Variants in GRM8 observed in about 807,000 individuals in gnomAD.
GRM8 encodes glutamate metabotropic receptor 8.
GRM8 carries 47 observed loss-of-function variants against 87.2 expected under a neutral mutation model. That is an observed-to-expected ratio of 0.54 (90% confidence interval 0.43 to 0.69). The LOEUF is 0.69. GRM8 is among the 30% of genes least tolerant of loss of function. The pLI, the probability that GRM8 is intolerant of heterozygous loss-of-function variation, is 0.00. For missense variants in GRM8, 1,019 were observed against 1,139.2 expected (o/e 0.89, Z 1.52); for synonymous variants, 396 against 404.5 (o/e 0.98, Z 0.25).
chr7:126,508,867 C>T (rs1162158649), intron 9 of GRM8, among the ~76,000 whole-genome samples: 1 of 152,070 alleles, frequency 6.6e-6, no homozygotes, highest in Non-Finnish European at 1.5e-5. Flanking sequence ...AGCTCTGTCA[C>T]ACTTCATAAA....
At chr7:126,930,348 C>T (rs531639530) in intron 3 of GRM8, among the ~76,000 whole-genome samples, 2 of 152,324 alleles carry the variant, frequency 1.3e-5, no homozygotes, top group Admixed American at 6.5e-5. Context: ...ACAGCTAGAA[C>T]AGTGGCTGGC....
intron 3 of GRM8, among the ~76,000 whole-genome samples, chr7:126,945,962 T>G (rs1350876365): frequency 6.6e-6 from 1 of 152,242 alleles, no homozygotes; most frequent in Non-Finnish European, 1.5e-5. Flanking sequence ...TTCACATATT[T>G]ATGAACACAT....
rs538666871 is a variant in GRM8 at position 126,612,196 on chromosome 7, T to C, written c.1358-2698A>G. The stretch of plus-strand genomic sequence containing the variant: ...ATTACGTATTAACTATAATTTCTTT[T>C]GTTGTTTTGTGGAAATGTTGTGTTT... On this transcript the variant is annotated intron_variant, in intron 7 of 10. Coordinates refer to ENST00000339582, the MANE Select transcript of GRM8 (RefSeq NM_000845.3). Among the ~76,000 whole-genome samples, 8 of 152,330 alleles carry C rather than the reference T, an allele frequency of 5.3e-5. No individual in the cohort carries two copies. The South Asian group carries it at 1.7e-3, about 32-fold the overall frequency.
chr7:126,984,705 G>A (rs567396341), intron 3 of GRM8, among the ~76,000 whole-genome samples: 12 of 152,182 alleles, frequency 7.9e-5, no homozygotes, highest in African/African-American at 1.9e-4. Context: ...TCACTCTAGA[G>A]AACCCTGCCT....
chr7:126,878,084 C>A (rs1270920082), intron 6 of GRM8, among the ~76,000 whole-genome samples: 1 of 152,196 alleles, frequency 6.6e-6, no homozygotes, highest in African/African-American at 2.4e-5. Flanking sequence ...AGCCCATGCC[C>A]TTACCCAGGG....
At chr7:126,560,217 G>A (rs1196143500) in intron 8 of GRM8, among the ~76,000 whole-genome samples, 1 of 152,116 alleles carries the variant, frequency 6.6e-6, no homozygotes, top group African/African-American at 2.4e-5. Context: ...GATAATATAA[G>A]TCACTGATTT....
At chr7:127,214,424 A>G (rs1796399271) in intron 2 of GRM8, among the ~76,000 whole-genome samples, 1 of 152,216 alleles carries the variant, frequency 6.6e-6, no homozygotes, top group Non-Finnish European at 1.5e-5. Flanking sequence ...TGATTTTCAG[A>G]AAAATATTTG....
At chr7:127,205,214 G>T (rs1371998966) in intron 2 of GRM8, among the ~76,000 whole-genome samples, 3 of 152,102 alleles carry the variant, frequency 2.0e-5, no homozygotes, top group Admixed American at 2.0e-4. Flanking sequence ...CATTAGTAAT[G>T]GAGTCATTGA....
chr7:126,473,162 C>T (rs958832644), intron 9 of GRM8, among the ~76,000 whole-genome samples: 1 of 152,116 alleles, frequency 6.6e-6, no homozygotes. Context: ...CTCCAGACCC[C>T]AGAATGGTAG....
intron 2 of GRM8, among the ~76,000 whole-genome samples, chr7:127,217,634 A>G (rs1796642706): frequency 6.6e-6 from 1 of 152,162 alleles, no homozygotes; most frequent in African/African-American, 2.4e-5. Flanking sequence ...CAGCAGCTAT[A>G]AAACCAGGAT....
At chr7:126,647,308 T>G (rs990398636) in intron 7 of GRM8, among the ~76,000 whole-genome samples, 1 of 82,542 alleles carries the variant, frequency 1.2e-5, no homozygotes, top group Admixed American at 1.2e-4. Context: ...GATAGATAGA[T>G]AGATAGATAG....
chr7:127,248,028 C>G (rs999357822), intron 1 of GRM8, among the ~76,000 whole-genome samples: 3 of 152,040 alleles, frequency 2.0e-5, no homozygotes, highest in African/African-American at 7.3e-5. Context: ...AAGAATTCAC[C>G]ACAGGTTTCC....
intron 8 of GRM8, among the ~76,000 whole-genome samples, chr7:126,578,278 T>C (rs1795288723): frequency 6.6e-6 from 1 of 152,216 alleles, no homozygotes; most frequent in Non-Finnish European, 1.5e-5. Flanking sequence ...GAAAACAGGA[T>C]ACAATTTGTC....
At chr7:126,575,603 A>G (rs1474457265) in intron 8 of GRM8, among the ~76,000 whole-genome samples, 1 of 152,044 alleles carries the variant, frequency 6.6e-6, no homozygotes, top group African/African-American at 2.4e-5. Context: ...CATGAGTTGT[A>G]TCTTTGAACT....
intron 8 of GRM8, among the ~76,000 whole-genome samples, chr7:126,542,594 C>T (rs7781356): frequency 0.84 from 127,947 of 152,104 alleles, 54,183 homozygotes; most frequent in African/African-American, 0.95. Flanking sequence ...CAAATGTACA[C>T]TGTAATCACT....
intron 2 of GRM8, among the ~76,000 whole-genome samples, chr7:127,136,743 C>A (rs1827963737): frequency 6.6e-6 from 1 of 151,702 alleles, no homozygotes; most frequent in Non-Finnish European, 1.5e-5. Context: ...ATTTATTGTT[C>A]ACTTAACAAG....
At chr7:126,756,273 T>C (rs768898365) in intron 7 of GRM8, among the ~76,000 whole-genome samples, 3 of 151,996 alleles carry the variant, frequency 2.0e-5, no homozygotes, top group Non-Finnish European at 2.9e-5. Flanking sequence ...TCAAAATGAA[T>C]CATATAGACC....
chr7:126,793,110 T>A (rs1821544593), intron 6 of GRM8, among the ~76,000 whole-genome samples: 1 of 152,184 alleles, frequency 6.6e-6, no homozygotes, highest in South Asian at 2.1e-4. Flanking sequence ...GCTTGAAGAT[T>A]TTTCATGAGT....
chr7:127,028,746 A>G (rs376467938), intron 3 of GRM8, among the ~76,000 whole-genome samples: 3 of 152,104 alleles, frequency 2.0e-5, no homozygotes, highest in East Asian at 3.9e-4. Flanking sequence ...TCTTGCTAGC[A>G]GTCTATCAAT....
Sources: gnomAD v4.1 joint callset for allele counts (sites outside exome capture counted in the v4.1 genomes callset) on GRCh38, gnomAD v4.1.1 for gene constraint, MANE v1.5 for transcripts, NCBI Gene and HGNC (gene_info 2026-07-23, HGNC 2026-07-21) for gene names.